Variants in COL4A3 observed in about 807,000 individuals in gnomAD.
COL4A3 encodes collagen type IV alpha 3 chain.
Under a neutral mutation model 217.4 loss-of-function variants are expected in COL4A3, and 135 were observed. The observed-to-expected ratio is 0.62, with a 90% CI of 0.54 to 0.72. The LOEUF is 0.72. Ranked by LOEUF, COL4A3 falls within the 30% of genes least tolerant of loss-of-function variation. The probability of loss-of-function intolerance (pLI) is 0.00; values close to 1 mark genes in which losing one functional copy is unlikely to be tolerated. For missense variants in COL4A3, 1,868 were observed against 2,119.9 expected, an observed-to-expected ratio of 0.88 and a Z score of 2.33; for synonymous variants, 690 against 736.3, an observed-to-expected ratio of 0.94 and a Z score of 1.02.
At chr2:227,171,953 T>A (rs1184682886) in intron 1 of COL4A3, among the ~76,000 whole-genome samples, 5 of 152,152 alleles carry the variant, frequency 3.3e-5, no homozygotes, top group Non-Finnish European at 7.4e-5. Flanking sequence ...ATTCTTCCCT[T>A]GGGGTGGGCT....
rs759104140 is a variant in COL4A3 at position 227,210,407 on chromosome 2, A to G, written c.88-27561A>G. On this transcript the variant is annotated intron_variant, in intron 1 of 51. Transcript: ENST00000396578. ...GAAGTTCAAGACCAGCCTGGCCAAC[A>G]TGGTGAAACCCCATCTCTACTAAAA... Among the ~76,000 whole-genome samples, 106 of 152,120 alleles carry G rather than the reference A, an allele frequency of 7.0e-4. 5 individuals carry two copies. Among genetic ancestry groups the G allele is most frequent in the Middle Eastern group, 6.8e-3 (2 of 294 alleles).
intron 1 of COL4A3, among the ~76,000 whole-genome samples, chr2:227,233,567 G>A (rs557286299): frequency 6.6e-6 from 1 of 152,178 alleles, no homozygotes; most frequent in Non-Finnish European, 1.5e-5. Flanking sequence ...TAATAAGCTG[G>A]TACTCAGCTA....
At position 227,249,235 on chromosome 2, in the gene COL4A3, T is replaced by A. The variant is rs1335190486; in HGVS notation, c.546+715T>A. 1.4e-4 allele frequency among the ~76,000 whole-genome samples: 10 copies of A among 73,430 alleles called. No homozygotes were observed. The East Asian group carries it at 2.1e-3, about 15-fold the overall frequency. The allele number at this position is 73,430 out of a possible 152,430, so 48.2% of individuals were successfully genotyped here. On this transcript the variant is annotated intron_variant, in intron 9 of 51. Transcript: ENST00000396578. ...TAGTATATATATATATATATATTTT[T>A]TTTTTTTTTTTTTTTTTTGAGAAGG...
rs1446680986 is a variant in COL4A3, at chr2:227,289,158, G to A, written c.2890G>A (p.Gly964Arg). The change falls in exon 35 of 52, where the codon GGA (glycine) becomes AGA (arginine). Residue 964 changes from glycine (G) to arginine (R), a missense_variant. By Grantham distance (125) the Gly-to-Arg change is moderately radical. Around this residue, in one of 2 missense-constraint regions of COL4A3, gnomAD observed 1,503 missense variants for 1,786.1 expected, o/e 0.84. Transcript: ENST00000396578. ...CTGGTTTCTAACTTCAGGATTCGCA[G>A]GAAATCCAGGTGAGAAAGGAAACAG... ...KGEPGLKGFA[G>R]NPGEKGNRGV... 8 of 1,613,068 alleles carry A rather than the reference G, an allele frequency of 5.0e-6. No homozygotes were observed. Among genetic ancestry groups the A allele is most frequent in the Non-Finnish European group, 6.8e-6 (8 of 1,179,566 alleles).
chr2:227,253,338 GTAATT>G lies in COL4A3; in HGVS notation c.687+5_687+9del, dbSNP rs747784581. On this transcript the variant is annotated splice_donor_variant and splice_donor_5th_base_variant and intron_variant, in intron 12 of 51. Transcript: ENST00000396578. LOFTEE classifies it high-confidence loss of function. This position sits in a 1 kb window ranked among gnomAD's most constrained non-coding sequence, Gnocchi z 4.4. ...AGTGATAGGACATAAAGGAGAGCGGGTAATTTAAATACTATGTTTTATTAGCAGGC... is the reference window on the plus strand; with the variant it reads ...AGTGATAGGACATAAAGGAGAGCGGGTAAATACTATGTTTTATTAGCAGGC... 5 of 1,613,632 alleles carry G rather than the reference GTAATT, an allele frequency of 3.1e-6. No individual in the cohort carries two copies. Among genetic ancestry groups the G allele is most frequent in the Non-Finnish European group, 4.2e-6 (5 of 1,179,552 alleles).
intron 1 of COL4A3, among the ~76,000 whole-genome samples, chr2:227,204,106 C>T (rs996643738): frequency 5.3e-5 from 8 of 152,028 alleles, no homozygotes; most frequent in African/African-American, 1.7e-4. Context: ...CTTAATAATT[C>T]GTAGTAGACC....
At chr2:227,171,538 T>C (rs1452879982) in intron 1 of COL4A3, among the ~76,000 whole-genome samples, 1 of 152,168 alleles carries the variant, frequency 6.6e-6, no homozygotes, top group East Asian at 1.9e-4. Context: ...AATGAAGCTG[T>C]TGGCGTCTGT....
rs1301712328 is a variant in COL4A3, at chr2:227,253,548, T to G, written c.688-13T>G. 2 of 1,609,670 alleles carry G rather than the reference T, an allele frequency of 1.2e-6. No homozygotes were observed. Among genetic ancestry groups the G allele is most frequent in the Non-Finnish European group, 1.7e-6 (2 of 1,176,044 alleles). On this transcript the variant is annotated splice_polypyrimidine_tract_variant and intron_variant, in intron 12 of 51. Transcript: ENST00000396578. The surrounding 1 kb of genome is among the most constrained non-coding windows in gnomAD (Gnocchi z 4.4). ...TTGTTTATTTTCTCACTCCTGAGTGTTTTTGTCTTTAGGGTGTGAAAGGGT... is the reference window on the plus strand; with the variant it reads ...TTGTTTATTTTCTCACTCCTGAGTGGTTTTGTCTTTAGGGTGTGAAAGGGT...
At chr2:227,302,970 A>G in intron 43 of COL4A3, 68 bp from the exon 44 acceptor site, 1 of 1,053,862 alleles carries the variant, frequency 9.5e-7, no homozygotes, top group South Asian at 1.3e-5. Context: ...TGCATTTTTA[A>G]AAAACTGCTG....
chr2:227,272,220 T>C (rs1269116404), intron 25 of COL4A3, among the ~76,000 whole-genome samples: 1 of 152,210 alleles, frequency 6.6e-6, no homozygotes, highest in Non-Finnish European at 1.5e-5. Context: ...ATGTCCCTAC[T>C]TGCATCTCAC....
Position 227,250,384 on chromosome 2 carries a change from AT to A in COL4A3, c.547-755del, listed in dbSNP as rs2069670797. Among the ~76,000 whole-genome samples the A allele has an allele frequency of 7.0e-6, 1 of 143,212 alleles. No homozygotes were observed. Among genetic ancestry groups the A allele is most frequent in the Admixed American group, 7.0e-5 (1 of 14,322 alleles). The allele number at this position is 143,212 out of a possible 152,430, so 94.0% of individuals were successfully genotyped here. On this transcript the variant is annotated intron_variant, in intron 9 of 51. Transcript: ENST00000396578. This position sits in a 1 kb window ranked among gnomAD's most constrained non-coding sequence, Gnocchi z 4.1. ...GATAGATAGATAGATAGATAGATAG[AT>A]ATTTAAAAATTGTATGAACCAGGCA...
chr2:227,246,180 G>A (rs752314036), intron 6 of COL4A3, 164 bp downstream of exon 6: 43 of 679,218 alleles, frequency 6.3e-5, no homozygotes, highest in Admixed American at 1.9e-4. Context: ...TTCTTTCTTC[G>A]CATTCCTTGC....
rs868358421 is a variant in COL4A3, at chr2:227,193,724, A to G, written c.87+28911A>G. Among the ~76,000 whole-genome samples the G allele has an allele frequency of 1.9e-3, 186 of 98,236 alleles. 1 individual carries two copies. Among genetic ancestry groups the G allele is most frequent in the South Asian group, 3.1e-3 (8 of 2,602 alleles). 64.4% of individuals were successfully genotyped at this position (98,236 alleles called of 152,430 possible). On this transcript the variant is annotated intron_variant, in intron 1 of 51. Transcript: ENST00000396578. ...AGGCAAAAGAAGAAAAAAGAAAGAA[A>G]GAAGGAAGGAGGGAGGGAGGGAGGG...
chr2:227,256,233 A>C, intron 16 of COL4A3, 110 bp from the exon 17 acceptor site: 1 of 1,151,840 alleles, frequency 8.7e-7, no homozygotes, highest in Non-Finnish European at 1.3e-6. Context: ...GTGAAGAGAG[A>C]TCATCTGAGC....
intron 1 of COL4A3, among the ~76,000 whole-genome samples, chr2:227,200,943 A>G (rs895609704): frequency 6.6e-6 from 1 of 152,190 alleles, no homozygotes; most frequent in African/African-American, 2.4e-5. Context: ...CCAAAATGTT[A>G]TTATGAAAAT....
rs112395573 is a variant in COL4A3, at chr2:227,291,341, A to T, written c.3210+455A>T. ...CACTTTGGGAGGCCGAGACGGGCGG[A>T]TCACGAGGTCAGGAGATCGAGACCA... On this transcript the variant is annotated intron_variant, in intron 37 of 51. Coordinates refer to ENST00000396578, the MANE Select transcript of COL4A3 (RefSeq NM_000091.5). Among the ~76,000 whole-genome samples the T allele has an allele frequency of 4.1e-3, 622 of 152,158 alleles. 1 individual carries two copies. Among genetic ancestry groups the T allele is most frequent in the African/African-American group, 0.014 (590 of 41,494 alleles).
intron 1 of COL4A3, among the ~76,000 whole-genome samples, chr2:227,198,615 C>T (rs1342956867): frequency 6.6e-6 from 1 of 152,038 alleles, no homozygotes; most frequent in Non-Finnish European, 1.5e-5. Context: ...ACACCATGTA[C>T]TACTACTGGA....
At position 227,289,170 on chromosome 2, in the gene COL4A3, G is replaced by A. The variant is rs2072528004; in HGVS notation, c.2902G>A (p.Glu968Lys). The part of the protein sequence containing the change: ...GLKGFAGNPG[E>K]KGNRGVPGMP... Reference sequence around the variant, plus strand: ...TTCAGGATTCGCAGGAAATCCAGGTGAGAAAGGAAACAGAGGCGTTCCAGG... The same window carrying A: ...TTCAGGATTCGCAGGAAATCCAGGTAAGAAAGGAAACAGAGGCGTTCCAGG... The change falls in exon 35 of 52, where the codon GAG becomes AAG. Residue 968 changes from glutamate (E) to lysine (K), a missense_variant. Around this residue, in one of 2 missense-constraint regions of COL4A3, gnomAD observed 1,503 missense variants for 1,786.1 expected, o/e 0.84. Transcript: ENST00000396578. 3 of 1,613,622 alleles carry A rather than the reference G, an allele frequency of 1.9e-6. No individual in the cohort carries two copies. The East Asian group carries it at 6.7e-5, about 36-fold the overall frequency.
chr2:227,219,670 C>T (rs1271200344), intron 1 of COL4A3, among the ~76,000 whole-genome samples: 1 of 152,200 alleles, frequency 6.6e-6, no homozygotes, highest in Non-Finnish European at 1.5e-5. Context: ...CTTATCTCCC[C>T]ATAGTCTGTT....
Sources: gnomAD v4.1 joint callset for allele counts (sites outside exome capture counted in the v4.1 genomes callset) on GRCh38, gnomAD v4.1.1 for gene constraint, gnomAD v4.1.1 regional missense constraint, Gnocchi (gnomAD v3.1) non-coding constraint, MANE v1.5 for transcripts, NCBI Gene and HGNC (gene_info 2026-07-23, HGNC 2026-07-21) for gene names.